The following LYN variants were observed in gnomAD, a reference collection of about 807,000 sequenced individuals.
LYN encodes the protein tyrosine-protein kinase Lyn.
A neutral mutation model predicts 65.0 loss-of-function variants in LYN; 12 were observed. The observed-to-expected ratio is 0.18, with a 90% confidence interval of 0.12 to 0.30. The LOEUF (loss-of-function observed/expected upper bound fraction) is 0.30. Among genes scored for constraint, LYN ranks in the 10% least tolerant of loss-of-function variants. The pLI, the probability that LYN is intolerant of heterozygous loss-of-function variation, is 1.00. For synonymous variants in LYN, 222 were observed against 221.2 expected, an observed-to-expected ratio of 1.00 and a Z score of -0.03; for missense variants, 380 against 623.2, an observed-to-expected ratio of 0.61 and a Z score of 4.16.
At chr8:55,934,161 G>A (rs1726795308) in intron 1 of LYN, among the ~76,000 whole-genome samples, 1 of 152,178 alleles carries the variant, frequency 6.6e-6, no homozygotes, top group African/African-American at 2.4e-5. Flanking sequence ...AGGAGGCAGA[G>A]GTTGCAGTGA....
chr8:56,009,313 C>A (rs888942959), intron 12 of LYN, among the ~76,000 whole-genome samples: 4 of 152,140 alleles, frequency 2.6e-5, no homozygotes, highest in African/African-American at 9.7e-5. Context: ...CAAATTTTGG[C>A]AAACTGAATG....
chr8:55,899,489 C>T (rs958540681), intron 1 of LYN, among the ~76,000 whole-genome samples: 3 of 152,172 alleles, frequency 2.0e-5, no homozygotes, highest in South Asian at 2.1e-4. Flanking sequence ...GGAATAAGAC[C>T]ACTTCTGGGA....
In LYN at chr8:56,013,033, A is replaced by G. The variant is rs1244872245; in HGVS notation, c.*2923A>G. The G allele has an allele frequency of 1.3e-5, 2 of 152,380 alleles. No individual in the cohort carries two copies. The highest frequency in any genetic ancestry group is 6.8e-3 in the Middle Eastern group (2 of 294). The allele number at this position is 152,380 out of a possible 1,614,324, so 9.4% of individuals were successfully genotyped here. A position where few individuals can be genotyped will look rare whatever the true frequency, so the allele number is the denominator to read the frequency against. On this transcript the variant is annotated 3_prime_UTR_variant, in exon 13 of 13. Transcript: ENST00000519728. The stretch of plus-strand genomic sequence containing the variant: ...CTGAGGTTCCACAGAATCCCCTTGC[A>G]GAAAGTACTTCTGATGAGCCACTGG...
At chr8:55,880,422 C>T (rs1383299945) in intron 1 of LYN, among the ~76,000 whole-genome samples, 1 of 152,156 alleles carries the variant, frequency 6.6e-6, no homozygotes, top group Non-Finnish European at 1.5e-5. Flanking sequence ...GCGTGTCCTT[C>T]CCGGTGAGGG....
intron 8 of LYN, among the ~76,000 whole-genome samples, chr8:55,958,020 G>A (rs1807169954): frequency 6.6e-6 from 1 of 152,166 alleles, no homozygotes. Context: ...TGTCAGCTGT[G>A]GTGTCAGTGC....
intron 8 of LYN, among the ~76,000 whole-genome samples, chr8:55,964,537 A>C (rs1399882942): frequency 2.0e-5 from 3 of 152,236 alleles, no homozygotes; most frequent in African/African-American, 7.2e-5. Context: ...GATGTATAAT[A>C]CATTTCTTTA....
intron 10 of LYN, among the ~76,000 whole-genome samples, chr8:55,979,296 C>T (rs1327998883): frequency 6.6e-6 from 1 of 152,222 alleles, no homozygotes; most frequent in Admixed American, 6.5e-5. Flanking sequence ...CCCGCCTCGG[C>T]CTCCCAAAGT....
chr8:56,010,018 A>C lies in LYN; in HGVS notation c.1447A>C (p.Lys483Gln). The change falls in exon 13 of 13, where the codon AAG (lysine) becomes CAG (glutamine). Residue 483 changes from lysine (K) to glutamine (Q), a missense_variant. Coordinates refer to ENST00000519728, the MANE Select transcript of LYN (RefSeq NM_002350.4). ...YDIMKMCWKEKAEERPTFDYL... is the reference protein window; with the variant it reads ...YDIMKMCWKEQAEERPTFDYL... ...CATTATGAAAATGTGCTGGAAAGAA[A>C]AGGCAGAAGAGAGACCAACGTTTGA... 6.2e-7 allele frequency: 1 copy of C among 1,614,212 alleles called. No homozygotes were observed. Among genetic ancestry groups the C allele is most frequent in the Non-Finnish European group, 8.5e-7 (1 of 1,180,024 alleles).
intron 1 of LYN, among the ~76,000 whole-genome samples, chr8:55,934,158 A>G (rs536032109): frequency 5.9e-5 from 9 of 152,248 alleles, no homozygotes; most frequent in Admixed American, 4.6e-4. Context: ...CCCAGGAGGC[A>G]GAGGTTGCAG....
chr8:55,911,234 C>T (rs1245579884), intron 1 of LYN, among the ~76,000 whole-genome samples: 1 of 8,506 alleles, frequency 1.2e-4, no homozygotes, highest in Non-Finnish European at 2.7e-4. Flanking sequence ...TATACATATA[C>T]ATATATATAT....
chr8:55,880,828 C>T (rs1804634174), intron 1 of LYN, among the ~76,000 whole-genome samples: 1 of 152,238 alleles, frequency 6.6e-6, no homozygotes, highest in Non-Finnish European at 1.5e-5. Context: ...GCGTAAGAGT[C>T]AGTTCCCACT....
chr8:55,916,140 A>G (rs1292605331), intron 1 of LYN, among the ~76,000 whole-genome samples: 6 of 152,196 alleles, frequency 3.9e-5, no homozygotes, highest in African/African-American at 1.4e-4. Flanking sequence ...TGATAGTTTC[A>G]TGTTTAACTA....
In LYN at chr8:56,012,045, C is replaced by T; in HGVS notation, c.*1935C>T. 5.2e-6 allele frequency: 1 copy of T among 190,920 alleles called. No individual in the cohort carries two copies. The allele number at this position is 190,920 out of a possible 1,614,324, so 11.8% of individuals were successfully genotyped here. ...TATCTTCGCCTTGTTTTGCTTCTCCCAGTTCCTCCTCTTCTTGCCATTTTC... is the reference window on the plus strand; with the variant it reads ...TATCTTCGCCTTGTTTTGCTTCTCCTAGTTCCTCCTCTTCTTGCCATTTTC... On this transcript the variant is annotated 3_prime_UTR_variant, in exon 13 of 13. Coordinates refer to ENST00000519728, the MANE Select transcript of LYN (RefSeq NM_002350.4).
At chr8:55,922,972 T>G (rs1805988889) in intron 1 of LYN, among the ~76,000 whole-genome samples, 1 of 152,118 alleles carries the variant, frequency 6.6e-6, no homozygotes, top group Admixed American at 6.5e-5. Context: ...AAACTCACTA[T>G]CTGCTCCATG....
intron 12 of LYN, among the ~76,000 whole-genome samples, chr8:56,006,710 TC>T (rs1808682167): frequency 1.3e-5 from 2 of 152,182 alleles, no homozygotes; most frequent in South Asian, 4.1e-4. Flanking sequence ...TAGTGAGCAC[TC>T]AGTGTTTGTT....
At chr8:55,958,487 T>C (rs192159362) in intron 8 of LYN, among the ~76,000 whole-genome samples, 12 of 152,344 alleles carry the variant, frequency 7.9e-5, no homozygotes. Context: ...ACACGTGACA[T>C]AAAATTTGTG....
At chr8:55,980,765 A>T (rs1271805874) in intron 10 of LYN, among the ~76,000 whole-genome samples, 1 of 152,224 alleles carries the variant, frequency 6.6e-6, no homozygotes, top group African/African-American at 2.4e-5. Flanking sequence ...TTGCCTTTTT[A>T]AAATTGTGGT....
In LYN at chr8:55,978,812, C is replaced by G. The variant is rs991844259; in HGVS notation, c.1050+9019C>G. ...TCTTTGAGAACCTGGCTGGACCCTTCTCAGTGACATGGTTTGGGTGGAAGC... is the reference window on the plus strand; with the variant it reads ...TCTTTGAGAACCTGGCTGGACCCTTGTCAGTGACATGGTTTGGGTGGAAGC... On this transcript the variant is annotated intron_variant, in intron 10 of 12. Coordinates refer to ENST00000519728, the MANE Select transcript of LYN (RefSeq NM_002350.4). 1.9e-4 allele frequency among the ~76,000 whole-genome samples: 29 copies of G among 152,266 alleles called. No homozygotes were observed. In the East Asian group the frequency reaches 5.0e-3, roughly 26 times the overall value.
chr8:55,892,487 A>G (rs1241296707), intron 1 of LYN, among the ~76,000 whole-genome samples: 1 of 152,206 alleles, frequency 6.6e-6, no homozygotes, highest in Non-Finnish European at 1.5e-5. Flanking sequence ...TTGATGATAC[A>G]GTTATATTAA....
Sources: gnomAD v4.1 joint callset for allele counts (sites outside exome capture counted in the v4.1 genomes callset) on GRCh38, gnomAD v4.1.1 for gene constraint, MANE v1.5 for transcripts, NCBI Gene and HGNC (gene_info 2026-07-23, HGNC 2026-07-21) for gene names.